The following RIF1 variants were observed in gnomAD, a reference collection of about 807,000 sequenced individuals.
The protein encoded by RIF1 is telomere-associated protein RIF1.
RIF1 carries 45 observed loss-of-function variants against 247.1 expected under a neutral mutation model. That is an observed-to-expected ratio of 0.18 (90% confidence interval 0.14 to 0.23). The LOEUF is 0.23. Ranked by LOEUF, RIF1 falls within the 10% of genes least tolerant of loss-of-function variation. RIF1 has a pLI of 1.00. For missense variants in RIF1, 2,967 were observed against 2,862.5 expected (o/e 1.04, Z -0.83); for synonymous variants, 1,087 against 978.8 (o/e 1.11, Z -2.06).
At chr2:151,498,092 A>G in intron 10 of RIF1, 1 of 1,472,594 alleles carries the variant, frequency 6.8e-7, no homozygotes, top group South Asian at 1.4e-5. Flanking sequence ...GATGAAGTAA[A>G]AAATTGACAT....
Position 151,463,556 on chromosome 2 carries a change from T to C in RIF1, c.4036T>C (p.Ser1346Pro). 1 of 1,613,962 alleles carries C rather than the reference T, an allele frequency of 6.2e-7. No homozygotes were observed. Among genetic ancestry groups the C allele is most frequent in the Non-Finnish European group, 8.5e-7 (1 of 1,179,984 alleles). Residue 1346 changes from serine (S) to proline (P), a missense_variant, in exon 30 of 36, where the codon TCT (serine) becomes CCT (proline). By Grantham distance (74) the Ser-to-Pro change is moderately conservative. Coordinates refer to ENST00000444746, the MANE Select transcript of RIF1 (RefSeq NM_018151.5). ...ECVSDNQVHL[S>P]ESTMEHDNTK... The stretch of plus-strand genomic sequence containing the variant: ...TGTGTCAGATAATCAGGTTCATCTT[T>C]CTGAATCTACAATGGAGCATGACAA...
At chr2:151,520,077 T>A in the RIF1 span, 1 of 198,752 alleles carries the variant, frequency 5.0e-6, no homozygotes, top group Non-Finnish European at 1.0e-5. Context: ...CAGGCTAAAT[T>A]CAGAGATGTG....
At chr2:151,471,277 T>G (rs376994754) in intron 34 of RIF1, among the ~76,000 whole-genome samples, 30 of 152,226 alleles carry the variant, frequency 2.0e-4, no homozygotes, top group Non-Finnish European at 3.2e-4. Flanking sequence ...TAGCCTTTTG[T>G]CAGATGAGAA....
chr2:151,450,085 G>A (rs1056530026), intron 20 of RIF1, among the ~76,000 whole-genome samples: 1 of 151,880 alleles, frequency 6.6e-6, no homozygotes, highest in Non-Finnish European at 1.5e-5. Context: ...AGGTGATTCT[G>A]CCTGCCTTGG....
At chr2:151,516,334 T>A in the RIF1 span, 1 of 609,608 alleles carries the variant, frequency 1.6e-6, no homozygotes, top group South Asian at 2.5e-5. Context: ...ATTTTAGTGA[T>A]CACATGATAA....
In RIF1 at chr2:151,440,031, CA is replaced by C. The variant is rs759558107; in HGVS notation, c.1557del (p.Glu520ArgfsTer8). 8 of 1,090,122 alleles carry C rather than the reference CA, an allele frequency of 7.3e-6. No homozygotes were observed. Among genetic ancestry groups the C allele is most frequent in the East Asian group, 3.3e-5 (1 of 30,158 alleles). The allele number at this position is 1,090,122 out of a possible 1,614,324, so 67.5% of individuals were successfully genotyped here. On this transcript the variant is annotated frameshift_variant, in exon 15 of 36. Transcript: ENST00000444746. LOFTEE classifies it high-confidence loss of function. ...LVKSVTESGNKKEKPGSEVLT... is the reference protein window; with the variant it reads ...LVKSVTESGNXKEKPGSEVLT... The stretch of plus-strand genomic sequence containing the variant: ...CTTCTTTTTGCTTTTTGATAGGTAA[CA>C]AAAAAGAGAAACCAGGTTCTGAAGT...
At chr2:151,529,306 GT>G in the RIF1 span, 1 of 1,605,680 alleles carries the variant, frequency 6.2e-7, no homozygotes, top group Non-Finnish European at 8.5e-7. Flanking sequence ...ATACTTCTTT[GT>G]ATTTCAGCTG....
chr2:151,496,895 G>T, intron 10 of RIF1: 1 of 1,482,550 alleles, frequency 6.7e-7, no homozygotes, highest in Non-Finnish European at 9.2e-7. Context: ...TCATGAAATA[G>T]TTTTTAAAAT....
At chr2:151,446,364 T>TC (rs1693277129) in intron 19 of RIF1, 62 bp from the exon 20 acceptor site, 1 of 1,408,064 alleles carries the variant, frequency 7.1e-7, no homozygotes, top group Admixed American at 1.9e-5. Context: ...ATGTATTGAT[T>TC]CTATAAACTT....
At chr2:151,431,558 C>T (rs925049914) in intron 9 of RIF1, among the ~76,000 whole-genome samples, 5 of 152,160 alleles carry the variant, frequency 3.3e-5, no homozygotes, top group Non-Finnish European at 7.4e-5. Flanking sequence ...CTTTGAGAGG[C>T]GGGCAGATCA....
intron 34 of RIF1, among the ~76,000 whole-genome samples, chr2:151,473,258 C>T (rs2152543287): frequency 6.7e-6 from 1 of 150,366 alleles, no homozygotes; most frequent in Middle Eastern, 3.5e-3. Context: ...ATCAGTGGTC[C>T]ATACGTCCTA....
At chr2:151,420,578 A>G (rs752925364) in intron 7 of RIF1, among the ~76,000 whole-genome samples, 199 bp downstream of exon 7, 1 of 151,962 alleles carries the variant, frequency 6.6e-6, no homozygotes, top group Non-Finnish European at 1.5e-5. Context: ...TCTACAAAAT[A>G]TCTTAAAAAT....
chr2:151,498,449 T>A, intron 10 of RIF1: 1 of 796,852 alleles, frequency 1.3e-6, no homozygotes, highest in Non-Finnish European at 2.0e-6. Context: ...AGGAAGAGAG[T>A]AAGTTAGAGG....
chr2:151,520,768 G>C, the RIF1 span, among the ~76,000 whole-genome samples: 1 of 152,218 alleles, frequency 6.6e-6, no homozygotes. Flanking sequence ...GGAGGCTGAA[G>C]TGGGAGGATC....
intron 8 of RIF1, among the ~76,000 whole-genome samples, chr2:151,425,682 T>TTTTG (rs1553477252): frequency 4.1e-5 from 6 of 146,746 alleles, no homozygotes; most frequent in African/African-American, 1.0e-4. Flanking sequence ...TTTTTTTTTT[T>TTTTG]GTGAGACAGA....
chr2:151,497,863 CTGT>C, intron 10 of RIF1: 13 of 1,506,506 alleles, frequency 8.6e-6, no homozygotes, highest in Non-Finnish European at 1.1e-5. Context: ...TTAGTGGAAG[CTGT>C]TGTTGGGATA....
the RIF1 span, among the ~76,000 whole-genome samples, chr2:151,532,498 T>C: frequency 6.6e-6 from 1 of 152,152 alleles, no homozygotes; most frequent in African/African-American, 2.4e-5. Flanking sequence ...AATTTTCAAG[T>C]CATAATTATT....
At chr2:151,506,870 C>CT (rs1423895436) in intron 13 of RIF1, 1 of 1,300,142 alleles carries the variant, frequency 7.7e-7, no homozygotes, top group South Asian at 1.2e-5. Context: ...AGTGAAATGA[C>CT]TAGGTTAGCA....
In RIF1 at chr2:151,478,962, T is replaced by G. The variant is rs2049057365; in HGVS notation, c.*3891T>G. 6.6e-6 allele frequency: 1 copy of G among 152,210 alleles called. No homozygotes were observed. Among genetic ancestry groups the G allele is most frequent in the African/African-American group, 2.4e-5 (1 of 41,448 alleles). 9.4% of individuals were successfully genotyped at this position (152,210 alleles called of 1,614,324 possible). A position where few individuals can be genotyped will look rare whatever the true frequency, so the allele number is the denominator to read the frequency against. On this transcript the variant is annotated 3_prime_UTR_variant, in exon 36 of 36. Coordinates refer to ENST00000444746, the MANE Select transcript of RIF1 (RefSeq NM_018151.5). ...AAGCCATTAGAAAGACCTTGTACTT[T>G]GTATAGAAACATTAGAGTGAGGTTT...
Sources: gnomAD v4.1 joint callset for allele counts (sites outside exome capture counted in the v4.1 genomes callset) on GRCh38, gnomAD v4.1.1 for gene constraint, MANE v1.5 for transcripts, NCBI Gene and HGNC (gene_info 2026-07-23, HGNC 2026-07-21) for gene names.